The following LRRC7 variants were observed in gnomAD, a reference collection of about 807,000 sequenced individuals.
LRRC7 encodes leucine rich repeat containing 7, also known as leucine-rich repeat-containing protein 7.
A neutral mutation model predicts 175.7 loss-of-function variants in LRRC7; 23 were observed. The ratio of observed to expected loss-of-function variants is 0.13; its 90% CI spans 0.09 to 0.19. The LOEUF is 0.19. LRRC7 is among the 10% of genes least tolerant of loss of function. LRRC7 has a pLI of 1.00. For synonymous variants in LRRC7, 685 were observed against 680.9 expected (o/e 1.01, Z -0.09); for missense variants, 1,354 against 1,904.7 (o/e 0.71, Z 5.38).
intron 2 of LRRC7, among the ~76,000 whole-genome samples, chr1:69,752,927 A>C (rs1401346658): frequency 2.0e-5 from 3 of 152,060 alleles, no homozygotes; most frequent in Non-Finnish European, 4.4e-5. Flanking sequence ...AAAACTGTGA[A>C]TCTAAGAATT....
At chr1:69,977,005 T>C (rs1298537417) in intron 8 of LRRC7, among the ~76,000 whole-genome samples, 1 of 152,232 alleles carries the variant, frequency 6.6e-6, no homozygotes, top group East Asian at 1.9e-4. Flanking sequence ...AAGTTAATTA[T>C]GATCAAAACT....
intron 2 of LRRC7, among the ~76,000 whole-genome samples, chr1:69,746,350 A>C (rs1055874266): frequency 1.3e-5 from 2 of 151,992 alleles, no homozygotes; most frequent in African/African-American, 2.4e-5. Flanking sequence ...CACTATGTGC[A>C]TGGCTCAAAA....
intron 2 of LRRC7, 26 bp downstream of exon 2, chr1:69,678,504 G>A (rs900689271): frequency 2.0e-6 from 3 of 1,536,804 alleles, no homozygotes; most frequent in African/African-American, 2.7e-5. Flanking sequence ...AGGATTACCT[G>A]TGTTCTAGAT....
chr1:70,001,711 A>G (rs927965143), intron 11 of LRRC7, among the ~76,000 whole-genome samples: 19 of 152,242 alleles, frequency 1.2e-4, no homozygotes, highest in African/African-American at 4.3e-4. Context: ...CATTTGTGCC[A>G]AATGACTTGT....
chr1:69,876,482 G>A (rs1400319418), intron 7 of LRRC7, among the ~76,000 whole-genome samples: 1 of 152,106 alleles, frequency 6.6e-6, no homozygotes, highest in Non-Finnish European at 1.5e-5. Context: ...AGCATCTGGA[G>A]GTCTAGTAGA....
In LRRC7 at chr1:69,969,279, C is replaced by G. The variant is rs1287806060; in HGVS notation, c.712-11100C>G. ...TGATTAATGGAGTGGTACCTCACAT[C>G]TCAATACTAACATTAAATGCAAATG... On this transcript the variant is annotated intron_variant, in intron 8 of 26. Coordinates refer to ENST00000651989, the MANE Select transcript of LRRC7 (RefSeq NM_001370785.2). 3.9e-5 allele frequency among the ~76,000 whole-genome samples: 6 copies of G among 152,256 alleles called. No homozygotes were observed. In the East Asian group the frequency reaches 1.2e-3, roughly 29 times the overall value.
At chr1:69,879,146 G>A (rs771328028) in intron 7 of LRRC7, among the ~76,000 whole-genome samples, 11 of 147,214 alleles carry the variant, frequency 7.5e-5, no homozygotes, top group South Asian at 4.2e-4. Flanking sequence ...GCATGTGTTC[G>A]GGTGGGGAGT....
intron 11 of LRRC7, among the ~76,000 whole-genome samples, chr1:69,997,193 C>T (rs1655066547): frequency 6.6e-6 from 1 of 152,102 alleles, no homozygotes; most frequent in African/African-American, 2.4e-5. Flanking sequence ...TGATTTGGCT[C>T]TCTGTTTCTC....
intron 8 of LRRC7, among the ~76,000 whole-genome samples, chr1:69,961,413 C>T (rs1651074442): frequency 6.6e-6 from 1 of 152,096 alleles, no homozygotes; most frequent in South Asian, 2.1e-4. Flanking sequence ...CTGCCCAAAG[C>T]AATTTATAGA....
chr1:70,110,283 G>A (rs1439711128), intron 26 of LRRC7, among the ~76,000 whole-genome samples: 2 of 152,176 alleles, frequency 1.3e-5, no homozygotes, highest in African/African-American at 4.8e-5. Context: ...GGGAGGCTGA[G>A]GTGGGAGAAG....
chr1:69,838,830 G>A (rs1041701695), intron 7 of LRRC7, among the ~76,000 whole-genome samples: 1 of 151,778 alleles, frequency 6.6e-6, no homozygotes, highest in Non-Finnish European at 1.5e-5. Flanking sequence ...ATATTTTAAA[G>A]TAAAAACTAA....
chr1:69,743,437 G>C (rs979111802), intron 2 of LRRC7, among the ~76,000 whole-genome samples: 10 of 152,142 alleles, frequency 6.6e-5, no homozygotes, highest in African/African-American at 1.7e-4. Flanking sequence ...AGGCATCATG[G>C]GTGTGTGTTG....
intron 7 of LRRC7, among the ~76,000 whole-genome samples, chr1:69,907,992 G>C (rs1428745442): frequency 6.6e-6 from 1 of 152,152 alleles, no homozygotes; most frequent in Admixed American, 6.5e-5. Flanking sequence ...AGTCTTGGGA[G>C]GGTGTATGTG....
chr1:69,654,262 A>G (rs953942678), intron 1 of LRRC7, among the ~76,000 whole-genome samples: 5 of 152,074 alleles, frequency 3.3e-5, no homozygotes, highest in African/African-American at 1.2e-4. Context: ...AAAAAAGGGG[A>G]AACTTAAAAC....
intron 11 of LRRC7, among the ~76,000 whole-genome samples, chr1:70,005,053 G>A (rs1185310507): frequency 2.0e-5 from 3 of 151,496 alleles, no homozygotes; most frequent in Admixed American, 6.6e-5. Context: ...ACTCTACCTC[G>A]TAACAGACCA....
rs974087531 is a variant in LRRC7 at position 70,117,365 on chromosome 1, A to G, written c.4621-4415A>G. On this transcript the variant is annotated intron_variant, in intron 26 of 26. Transcript: ENST00000651989. ...TTATCCATTTAACAAAACATTTACCAGAAGGTAATCAAACATAAATCCAGG... is the reference window on the plus strand; with the variant it reads ...TTATCCATTTAACAAAACATTTACCGGAAGGTAATCAAACATAAATCCAGG... Among the ~76,000 whole-genome samples, 7 of 152,372 alleles carry G rather than the reference A, an allele frequency of 4.6e-5. No homozygotes were observed. In the East Asian group the frequency reaches 9.6e-4, roughly 21 times the overall value.
intron 7 of LRRC7, among the ~76,000 whole-genome samples, chr1:69,881,187 G>T (rs1181510685): frequency 6.6e-6 from 1 of 152,182 alleles, no homozygotes; most frequent in Admixed American, 6.5e-5. Flanking sequence ...ATAGAAAAGT[G>T]CTTTGTGCAA....
intron 1 of LRRC7, among the ~76,000 whole-genome samples, chr1:69,646,315 C>T (rs1393396240): frequency 1.3e-5 from 2 of 151,982 alleles, no homozygotes; most frequent in Non-Finnish European, 2.9e-5. Flanking sequence ...TAGATTTCTA[C>T]TTAAGCCATT....
At chr1:69,885,482 C>T (rs985703123) in intron 7 of LRRC7, among the ~76,000 whole-genome samples, 2 of 142,772 alleles carry the variant, frequency 1.4e-5, no homozygotes, top group African/African-American at 5.6e-5. Context: ...TCATTTTTTA[C>T]TGTGTCTATT....
Sources: gnomAD v4.1 joint callset for allele counts (sites outside exome capture counted in the v4.1 genomes callset) on GRCh38, gnomAD v4.1.1 for gene constraint, MANE v1.5 for transcripts, NCBI Gene and HGNC (gene_info 2026-07-23, HGNC 2026-07-21) for gene names.